Variants in ENTREP2 observed in about 807,000 individuals in gnomAD.
ENTREP2 encodes the protein endosomal transmembrane epsin interactor 2.
At chr15:29,337,238 G>A in the ENTREP2 span, among the ~76,000 whole-genome samples, 1 of 152,184 alleles carries the variant, frequency 6.6e-6, no homozygotes, top group Admixed American at 6.5e-5. Context: ...GCATGGAGCT[G>A]AAGAGTGCTG....
chr15:29,300,430 GATGA>G, the ENTREP2 span, among the ~76,000 whole-genome samples: 1 of 148,184 alleles, frequency 6.7e-6, no homozygotes. Context: ...TGGATGGATG[GATGA>G]GTGGATGGGA....
At chr15:29,434,560 C>G in the ENTREP2 span, among the ~76,000 whole-genome samples, 12 of 152,146 alleles carry the variant, frequency 7.9e-5, no homozygotes, top group African/African-American at 2.9e-4. Context: ...ATACCCAGAT[C>G]ACACAGACAC....
chr15:29,189,420 C>CTTT, the ENTREP2 span, among the ~76,000 whole-genome samples: 1 of 142,602 alleles, frequency 7.0e-6, no homozygotes, highest in Non-Finnish European at 1.5e-5. Context: ...AATTGTCTTG[C>CTTT]TTTTTTTTTT....
chr15:29,179,786 C>T, the ENTREP2 span, among the ~76,000 whole-genome samples: 1 of 151,874 alleles, frequency 6.6e-6, no homozygotes, highest in Non-Finnish European at 1.5e-5. Flanking sequence ...GGGGTTTCAC[C>T]GTGTTAGCCA....
At chr15:29,334,378 A>C in the ENTREP2 span, among the ~76,000 whole-genome samples, 2 of 151,766 alleles carry the variant, frequency 1.3e-5, no homozygotes, top group African/African-American at 4.8e-5. Context: ...GGGCAGGCAG[A>C]ACACTTTATC....
chr15:29,643,780 C>CA, the ENTREP2 span, among the ~76,000 whole-genome samples: 792 of 69,644 alleles, frequency 0.011, 14 homozygotes, highest in Middle Eastern at 0.098. Flanking sequence ...GACTCTGTCT[C>CA]AAAAAAAAAA....
chr15:29,142,052 G>C, the ENTREP2 span, among the ~76,000 whole-genome samples: 1 of 152,232 alleles, frequency 6.6e-6, no homozygotes, highest in Non-Finnish European at 1.5e-5. Context: ...AAGGAGGGCA[G>C]CCAAGCAGAA....
At chr15:29,571,869 TC>T in the ENTREP2 span, among the ~76,000 whole-genome samples, 1,617 of 152,182 alleles carry the variant, frequency 0.011, 24 homozygotes, top group Middle Eastern at 0.017. Flanking sequence ...GATTAAGAGA[TC>T]ACCAGCGTTA....
chr15:29,356,287 TA>T, the ENTREP2 span, among the ~76,000 whole-genome samples: 759 of 59,378 alleles, frequency 0.013, 9 homozygotes, highest in African/African-American at 0.026. Flanking sequence ...TATATATATA[TA>T]TATATATATT....
the ENTREP2 span, among the ~76,000 whole-genome samples, chr15:29,185,591 T>C: frequency 6.6e-6 from 1 of 152,174 alleles, no homozygotes; most frequent in Non-Finnish European, 1.5e-5. Flanking sequence ...AGACAGAGTT[T>C]CGCTCTGTTC....
chr15:29,217,146 C>T, the ENTREP2 span, among the ~76,000 whole-genome samples: 197 of 152,224 alleles, frequency 1.3e-3, 3 homozygotes, highest in Non-Finnish European at 3.2e-4. Context: ...GGGCTTGGGG[C>T]GTTATCAATC....
the ENTREP2 span, among the ~76,000 whole-genome samples, chr15:29,493,289 A>G: frequency 6.7e-6 from 1 of 148,262 alleles, no homozygotes; most frequent in East Asian, 2.1e-4. Flanking sequence ...GCCCGCCACT[A>G]CGCCCGGCTA....
the ENTREP2 span, among the ~76,000 whole-genome samples, chr15:29,224,914 G>A: frequency 6.6e-6 from 1 of 152,180 alleles, no homozygotes; most frequent in South Asian, 2.1e-4. Flanking sequence ...GGCATGGCGG[G>A]CTGCAGGTCC....
the ENTREP2 span, among the ~76,000 whole-genome samples, chr15:29,250,576 G>A: frequency 1.3e-5 from 2 of 152,166 alleles, no homozygotes; most frequent in African/African-American, 4.8e-5. Flanking sequence ...CTTGGGCAAT[G>A]TGTGTGGGCT....
the ENTREP2 span, among the ~76,000 whole-genome samples, chr15:29,567,305 T>G: frequency 1.3e-4 from 20 of 152,204 alleles, no homozygotes; most frequent in East Asian, 3.9e-4. Context: ...CTTGGTCCAG[T>G]GGAATGGCTC....
At chr15:29,502,235 C>T in the ENTREP2 span, among the ~76,000 whole-genome samples, 1 of 151,830 alleles carries the variant, frequency 6.6e-6, no homozygotes, top group Admixed American at 6.6e-5. Flanking sequence ...TACAATGCTA[C>T]AGTAATCAAG....
the ENTREP2 span, among the ~76,000 whole-genome samples, chr15:29,561,822 A>G: frequency 1.3e-5 from 2 of 152,180 alleles, no homozygotes; most frequent in East Asian, 3.8e-4. Context: ...GTGAAGTTGA[A>G]AGAGAGAGGT....
At chr15:29,616,334 C>T in the ENTREP2 span, among the ~76,000 whole-genome samples, 5 of 152,052 alleles carry the variant, frequency 3.3e-5, no homozygotes, top group African/African-American at 1.2e-4. Flanking sequence ...TGTGAGAAGA[C>T]AAGTCCTCTG....
At chr15:29,452,490 G>C in the ENTREP2 span, 1 of 152,264 alleles carries the variant, frequency 6.6e-6, no homozygotes, top group Non-Finnish European at 1.5e-5. Flanking sequence ...GGGCTGCTTG[G>C]CTGTTTCATC....
Sources: gnomAD v4.1 joint callset for allele counts (sites outside exome capture counted in the v4.1 genomes callset) on GRCh38, gnomAD v4.1.1 for gene constraint, MANE v1.5 for transcripts, NCBI Gene and HGNC (gene_info 2026-07-23, HGNC 2026-07-21) for gene names.